The following CDC25B variants were observed in gnomAD, a reference collection of about 807,000 sequenced individuals.
CDC25B encodes cell division cycle 25B.
Under a neutral mutation model 69.8 loss-of-function variants are expected in CDC25B, and 33 were observed. That is an observed-to-expected ratio of 0.47 (90% confidence interval 0.36 to 0.63). The LOEUF is 0.63. Among genes scored for constraint, CDC25B ranks in the 30% least tolerant of loss-of-function variants. The pLI, the probability that CDC25B is intolerant of heterozygous loss-of-function variation, is 0.00. For synonymous variants in CDC25B, 341 were observed against 314.6 expected, an observed-to-expected ratio of 1.08 and a Z score of -0.89; for missense variants, 727 against 809.1, an observed-to-expected ratio of 0.90 and a Z score of 1.23.
chr20:3,793,562 G>T (rs6052079), upstream of CDC25B, among the ~76,000 whole-genome samples: 86,953 of 143,308 alleles, frequency 0.61, 26,376 homozygotes, highest in African/African-American at 0.74. Context: ...TTTTTTTTTT[G>T]GTTTTAGAGA....
At chr20:3,788,818 C>A (rs1296828706) in intron 1 of CDC25B, among the ~76,000 whole-genome samples, 1 of 145,530 alleles carries the variant, frequency 6.9e-6, no homozygotes, top group African/African-American at 2.6e-5. Flanking sequence ...TCTTTCCTTC[C>A]TTCCTTCCCT....
At chr20:3,793,560 T>TG (rs1407619919), upstream of CDC25B, among the ~76,000 whole-genome samples, 27 of 141,154 alleles carry the variant, frequency 1.9e-4, no homozygotes, top group East Asian at 5.0e-3. Context: ...TTTTTTTTTT[T>TG]TGGTTTTAGA....
Position 3,797,883 on chromosome 20 carries a change from C to A in CDC25B, c.328+134C>A, listed in dbSNP as rs376538027. On this transcript the variant is annotated intron_variant, in intron 2 of 15. Transcript: ENST00000245960. ...CTGGTGGGCCCAGGAGCCTCTCCCC[C>A]ACCCTCCACAGAAATGGGAGGAAGA... The A allele has an allele frequency of 3.7e-4, 393 of 1,067,070 alleles. No homozygotes were observed. The African/African-American group carries it at 5.4e-3, about 15-fold the overall frequency. The allele number at this position is 1,067,070 out of a possible 1,614,324, so 66.1% of individuals were successfully genotyped here.
chr20:3,805,040 G>A lies in CDC25B; in HGVS notation c.*79G>A. Reference sequence around the variant, plus strand: ...TGCCCTATGGGCCTGCCGGGCTGAGGGCCTGCTGGAGGCCTCAGGTGCTGT... The same window carrying A: ...TGCCCTATGGGCCTGCCGGGCTGAGAGCCTGCTGGAGGCCTCAGGTGCTGT... On this transcript the variant is annotated 3_prime_UTR_variant, in exon 16 of 16. Transcript: ENST00000245960. 2.7e-6 allele frequency: 4 copies of A among 1,484,200 alleles called. No individual in the cohort carries two copies. The East Asian group carries it at 7.0e-5, about 26-fold the overall frequency. The allele number at this position is 1,484,200 out of a possible 1,614,324, so 91.9% of individuals were successfully genotyped here.
chr20:3,790,591 G>A (rs2146650006), intron 1 of CDC25B, among the ~76,000 whole-genome samples: 1 of 151,846 alleles, frequency 6.6e-6, no homozygotes, highest in East Asian at 2.0e-4. Context: ...GGAGGCCGAG[G>A]CGGGTGGATC....
intron 14 of CDC25B, 124 bp from the exon 15 acceptor site, chr20:3,804,445 C>T: frequency 1.5e-6 from 1 of 674,556 alleles, no homozygotes; most frequent in South Asian, 1.8e-5. Context: ...GGTTACATTC[C>T]TGTGCTCTAA....
chr20:3,790,752 T>C (rs1233109885), intron 1 of CDC25B, among the ~76,000 whole-genome samples: 3 of 152,054 alleles, frequency 2.0e-5, no homozygotes, highest in Non-Finnish European at 4.4e-5. Context: ...GTATTTTTAG[T>C]AGAGACAGGG....
In CDC25B at chr20:3,800,540, C is replaced by G. The variant is rs11570001; in HGVS notation, c.459+42C>G. 6 of 1,609,244 alleles carry G rather than the reference C, an allele frequency of 3.7e-6. No individual in the cohort carries two copies. In the Middle Eastern group the frequency reaches 8.8e-4, roughly 235 times the overall value. ...CCTGACTGAGGCTTAGGCATGCTAG[C>G]CAGGCATGGGGTAGATGAGCAGGAT... On this transcript the variant is annotated intron_variant, in intron 5 of 15. Transcript: ENST00000245960.
At chr20:3,796,898 G>A (rs1052521731) in intron 1 of CDC25B, among the ~76,000 whole-genome samples, 167 bp downstream of exon 1, 1 of 152,062 alleles carries the variant, frequency 6.6e-6, no homozygotes, top group African/African-American at 2.4e-5. Flanking sequence ...CCCAGGACAT[G>A]GGAAGTGAGA....
Position 3,801,060 on chromosome 20 carries a change from T to A in CDC25B, c.672T>A (p.Phe224Leu). 1.9e-6 allele frequency: 3 copies of A among 1,614,034 alleles called. No individual in the cohort carries two copies. The highest frequency in any genetic ancestry group is 2.5e-6 in the Non-Finnish European group (3 of 1,179,920). ...LAEWASRREA[F>L]AQRPSSAPDL... ...AGTGGGCCAGCCGCAGGGAAGCCTT[T>A]GCCCAGAGACCCAGCTCGGCCCCCG... The change falls in exon 7 of 16, where the codon TTT (phenylalanine) becomes TTA (leucine). Residue 224 changes from phenylalanine to leucine, a missense_variant. Phe to Leu is a conservative substitution (Grantham distance 22, BLOSUM62 0). Transcript: ENST00000245960.
At position 3,796,349 on chromosome 20, in the gene CDC25B, G is replaced by GCC; in HGVS notation, c.-178_-177dup. 2.3e-6 allele frequency: 3 copies of GCC among 1,287,952 alleles called. No individual in the cohort carries two copies. The highest frequency in any genetic ancestry group is 3.8e-5 in the South Asian group (2 of 53,186). The allele number at this position is 1,287,952 out of a possible 1,614,324, so 79.8% of individuals were successfully genotyped here. A position where few individuals can be genotyped will look rare whatever the true frequency, so the allele number is the denominator to read the frequency against. On this transcript the variant is annotated 5_prime_UTR_variant, in exon 1 of 16. Coordinates refer to ENST00000245960, the MANE Select transcript of CDC25B (RefSeq NM_021873.4). ...CTGGTGCCTGAGCCCGGCGTCCCTC[G>GCC]CCCCCCGCCCTCCCCGCATCCCTCT... is the stretch of plus-strand genomic sequence containing the variant.
At chr20:3,789,090 ATC>A (rs1391439959) in intron 1 of CDC25B, among the ~76,000 whole-genome samples, 2 of 152,066 alleles carry the variant, frequency 1.3e-5, no homozygotes, top group Non-Finnish European at 2.9e-5. Context: ...CCAGCAATCC[ATC>A]TGAGGCCCCG....
At chr20:3,793,645 A>T (rs898928248), upstream of CDC25B, among the ~76,000 whole-genome samples, 2 of 149,684 alleles carry the variant, frequency 1.3e-5, no homozygotes, top group African/African-American at 4.9e-5. Flanking sequence ...CATGTGCACA[A>T]TGTGCAGGTT....
upstream of CDC25B, chr20:3,795,784 C>A (rs1347187939): frequency 8.1e-6 from 8 of 985,356 alleles, no homozygotes; most frequent in African/African-American, 1.7e-5. Flanking sequence ...GGAGGCTGCG[C>A]GGTCAGAGGC....
Position 3,789,712 on chromosome 20 carries a change from G to A in CDC25B, c.8+2573G>A, listed in dbSNP as rs576297626. 7.4e-4 allele frequency among the ~76,000 whole-genome samples: 112 copies of A among 152,064 alleles called. 3 individuals are homozygous for A. The South Asian group carries it at 0.015, about 20-fold the overall frequency. On this transcript the variant is annotated intron_variant, in intron 1 of 15. Coordinates refer to the CDC25B transcript ENST00000344256. ...TAATAAAAATAAAGAGAACAACATT[G>A]GGCGCGGTGGCTCATGCCTGTAATC...
upstream of CDC25B, among the ~76,000 whole-genome samples, chr20:3,792,019 T>G (rs927234782): frequency 6.6e-6 from 1 of 152,142 alleles, no homozygotes; most frequent in South Asian, 2.1e-4. Context: ...ATTCAGGTGA[T>G]TCTCCTGCCT....
At chr20:3,793,800 CCATGTGTTCT>C (rs1365612588), upstream of CDC25B, among the ~76,000 whole-genome samples, 2 of 137,236 alleles carry the variant, frequency 1.5e-5, no homozygotes, top group African/African-American at 5.5e-5. Flanking sequence ...CTTCCTGTGT[CCATGTGTTCT>C]CATTGTTCAA....
Position 3,796,531 on chromosome 20 carries a change from G to A in CDC25B, c.-1G>A. On this transcript the variant is annotated 5_prime_UTR_variant, in exon 1 of 16. Transcript: ENST00000245960. ...GCCAGCCTTCTGCCGGCCCCGCCGC[G>A]ATGGAGGTGCCCCAGCCGGAGCCCG... 5 of 1,489,028 alleles carry A rather than the reference G, an allele frequency of 3.4e-6. No individual in the cohort carries two copies. The highest frequency in any genetic ancestry group is 4.4e-6 in the Non-Finnish European group (5 of 1,126,898). 92.2% of individuals were successfully genotyped at this position (1,489,028 alleles called of 1,614,324 possible). A position where few individuals can be genotyped will look rare whatever the true frequency, so the allele number is the denominator to read the frequency against.
chr20:3,805,412 G>A lies in CDC25B; in HGVS notation c.*451G>A. On this transcript the variant is annotated 3_prime_UTR_variant, in exon 16 of 16. Transcript: ENST00000245960. The stretch of plus-strand genomic sequence containing the variant: ...CTGCCCTGTGTACTTCCCGGGCCAG[G>A]GCTGCCCCTAATCTCTGTAGGAACC... The A allele has an allele frequency of 4.2e-6, 1 of 239,828 alleles. No individual in the cohort carries two copies. The highest frequency in any genetic ancestry group is 8.1e-6 in the Non-Finnish European group (1 of 123,656). The allele number at this position is 239,828 out of a possible 1,614,324, so 14.9% of individuals were successfully genotyped here.
Sources: gnomAD v4.1 joint callset for allele counts (sites outside exome capture counted in the v4.1 genomes callset) on GRCh38, gnomAD v4.1.1 for gene constraint, MANE v1.5 for transcripts, NCBI Gene and HGNC (gene_info 2026-07-23, HGNC 2026-07-21) for gene names.